Variants in PRKAG2 observed in about 807,000 individuals in gnomAD.
PRKAG2 encodes the protein 5'-AMP-activated protein kinase subunit gamma-2.
Under a neutral mutation model 69.6 loss-of-function variants are expected in PRKAG2, and 26 were observed. That is an observed-to-expected ratio of 0.37 (90% confidence interval 0.27 to 0.52). The LOEUF is 0.52. Ranked by LOEUF, PRKAG2 falls within the 20% of genes least tolerant of loss-of-function variation. PRKAG2 has a pLI of 0.90. For synonymous variants in PRKAG2, 293 were observed against 285.0 expected (o/e 1.03, Z -0.28); for missense variants, 557 against 740.0 (o/e 0.75, Z 2.87).
intron 3 of PRKAG2, among the ~76,000 whole-genome samples, chr7:151,692,778 A>G (rs1341791211): frequency 6.6e-6 from 1 of 152,164 alleles, no homozygotes; most frequent in Non-Finnish European, 1.5e-5. Context: ...CTTGGGGCCC[A>G]AGACCTGCTC....
intron 4 of PRKAG2, among the ~76,000 whole-genome samples, chr7:151,645,728 TTATTA>T (rs1005978273): frequency 3.9e-5 from 6 of 152,220 alleles, no homozygotes; most frequent in Non-Finnish European, 8.8e-5. Context: ...AAGATCCTAT[TTATTA>T]TATTATGACT....
At chr7:151,725,207 AAG>A (rs1797738378) in intron 3 of PRKAG2, among the ~76,000 whole-genome samples, 1 of 152,134 alleles carries the variant, frequency 6.6e-6, no homozygotes, top group Non-Finnish European at 1.5e-5. Flanking sequence ...AGCCTTAAAA[AAG>A]AGGGGGATCC....
At chr7:151,582,773 A>T (rs932912415) in intron 6 of PRKAG2, among the ~76,000 whole-genome samples, 1 of 152,206 alleles carries the variant, frequency 6.6e-6, no homozygotes, top group African/African-American at 2.4e-5. Context: ...TCAAGCACCA[A>T]GGCTTTCTCG....
At chr7:151,876,094 T>A (rs888310223) in intron 1 of PRKAG2, among the ~76,000 whole-genome samples, 4 of 28,878 alleles carry the variant, frequency 1.4e-4, no homozygotes, top group Non-Finnish European at 2.7e-4. Flanking sequence ...TCCCCTCCCC[T>A]CTCTCCGTCT....
chr7:151,785,963 G>A (rs983035642), intron 2 of PRKAG2, among the ~76,000 whole-genome samples: 4 of 152,186 alleles, frequency 2.6e-5, no homozygotes, highest in East Asian at 1.9e-4. Flanking sequence ...CAGGAGGGAC[G>A]GCGAGGAGCT....
In PRKAG2 at chr7:151,568,613, T is replaced by C. The variant is rs1046586385; in HGVS notation, c.1233+103A>G. On this transcript the variant is annotated intron_variant, in intron 11 of 15. Coordinates refer to ENST00000287878, the MANE Select transcript of PRKAG2 (RefSeq NM_016203.4). ...AGTTTAGAAAGGGAGACCTCAAAAC[T>C]AACAATTTCTTCTACTGAGGGTAAC... 16 of 1,316,186 alleles carry C rather than the reference T, an allele frequency of 1.2e-5. No homozygotes were observed. In the African/African-American group the frequency reaches 2.2e-4, roughly 18 times the overall value. The allele number at this position is 1,316,186 out of a possible 1,614,324, so 81.5% of individuals were successfully genotyped here.
chr7:151,679,380 C>G (rs915300522), intron 3 of PRKAG2, among the ~76,000 whole-genome samples: 3 of 152,152 alleles, frequency 2.0e-5, no homozygotes, highest in African/African-American at 7.2e-5. Context: ...AGCAGGGGCT[C>G]GTCCTGGTCC....
intron 1 of PRKAG2, among the ~76,000 whole-genome samples, chr7:151,839,294 T>C (rs2079221328): frequency 6.6e-6 from 1 of 152,128 alleles, no homozygotes; most frequent in Non-Finnish European, 1.5e-5. Flanking sequence ...AAGGAGGAAG[T>C]CAAGTGATGC....
chr7:151,746,648 G>A (rs1414882280), intron 3 of PRKAG2, among the ~76,000 whole-genome samples: 1 of 152,218 alleles, frequency 6.6e-6, no homozygotes, highest in African/African-American at 2.4e-5. Context: ...AAAGGACCTC[G>A]CGTGAACAGC....
chr7:151,690,780 T>A (rs774860365), intron 3 of PRKAG2, among the ~76,000 whole-genome samples: 1 of 152,178 alleles, frequency 6.6e-6, no homozygotes, highest in Non-Finnish European at 1.5e-5. Flanking sequence ...GTTTCTAGAG[T>A]GAATCATTCC....
chr7:151,726,773 G>A (rs930987492), intron 3 of PRKAG2, among the ~76,000 whole-genome samples: 2 of 152,272 alleles, frequency 1.3e-5, no homozygotes, highest in South Asian at 4.2e-4. Context: ...AGAGTATGGG[G>A]AGCTTCTGGG....
intron 4 of PRKAG2, among the ~76,000 whole-genome samples, chr7:151,658,030 C>T (rs910953520): frequency 2.0e-4 from 30 of 151,544 alleles, no homozygotes; most frequent in Admixed American, 4.6e-4. Flanking sequence ...TGGTGGCGCA[C>T]GCATGTAGTC....
intron 1 of PRKAG2, among the ~76,000 whole-genome samples, chr7:151,874,011 A>AGTATATGTATATGAT (rs1238804348): frequency 1.4e-5 from 2 of 141,246 alleles, no homozygotes. Flanking sequence ...TATATGTATA[A>AGTATATGTATATGAT]GTATATGTAT....
rs2079154687 is a variant in PRKAG2, at chr7:151,836,713, G to A, written c.114+39794C>T. On this transcript the variant is annotated intron_variant, in intron 1 of 15. Transcript: ENST00000287878. The surrounding 1 kb of genome is among the most constrained non-coding windows in gnomAD (Gnocchi z 4.1). ...GGTCCTCCAGGGTCCTCAGGCCACAGCTCCTGGGCTGGAGAACTGTGAGGT... is the reference window on the plus strand; with the variant it reads ...GGTCCTCCAGGGTCCTCAGGCCACAACTCCTGGGCTGGAGAACTGTGAGGT... Among the ~76,000 whole-genome samples the A allele has an allele frequency of 6.6e-6, 1 of 152,236 alleles. No homozygotes were observed. Among genetic ancestry groups the A allele is most frequent in the Non-Finnish European group, 1.5e-5 (1 of 68,036 alleles).
rs1806591809 is a variant in PRKAG2 at position 151,567,765 on chromosome 7, T to C, written c.1233+951A>G. 6.6e-6 allele frequency among the ~76,000 whole-genome samples: 1 copy of C among 152,332 alleles called. No individual in the cohort carries two copies. Among genetic ancestry groups the C allele is most frequent in the African/African-American group, 2.4e-5 (1 of 41,568 alleles). On this transcript the variant is annotated intron_variant, in intron 11 of 15. Coordinates refer to ENST00000287878, the MANE Select transcript of PRKAG2 (RefSeq NM_016203.4). This position sits in a 1 kb window ranked among gnomAD's most constrained non-coding sequence, Gnocchi z 4.2. ...TGATTAAAATACAAGACTGGGTTGA[T>C]TGACAAGGTATTTCTCTCCATCACT...
intron 13 of PRKAG2, 27 bp from the exon 14 acceptor site, chr7:151,564,251 T>G (rs1217585727): frequency 6.2e-7 from 1 of 1,613,268 alleles, no homozygotes; most frequent in East Asian, 2.2e-5. Context: ...GAATAAATTA[T>G]ATCCTTTCAT....
chr7:151,821,987 G>T (rs566386410), intron 1 of PRKAG2, among the ~76,000 whole-genome samples: 5 of 152,328 alleles, frequency 3.3e-5, no homozygotes, highest in Non-Finnish European at 7.3e-5. Context: ...CCTGAGAGCT[G>T]CTGGGAGCCA....
intron 1 of PRKAG2, among the ~76,000 whole-genome samples, chr7:151,805,289 C>T (rs954464251): frequency 2.6e-5 from 4 of 152,252 alleles, no homozygotes; most frequent in Admixed American, 1.3e-4. Flanking sequence ...AAGCCAGCCA[C>T]GTGGAGAGGC....
chr7:151,743,886 G>A (rs532604580), intron 3 of PRKAG2, among the ~76,000 whole-genome samples: 34 of 152,334 alleles, frequency 2.2e-4, no homozygotes, highest in Admixed American at 1.3e-3. Flanking sequence ...GGCTGCGGGA[G>A]GCCATGGCAC....
Sources: gnomAD v4.1 joint callset for allele counts (sites outside exome capture counted in the v4.1 genomes callset) on GRCh38, gnomAD v4.1.1 for gene constraint, Gnocchi (gnomAD v3.1) non-coding constraint, MANE v1.5 for transcripts, NCBI Gene and HGNC (gene_info 2026-07-23, HGNC 2026-07-21) for gene names.